The following FRMD3 variants were observed in gnomAD, a reference collection of about 807,000 sequenced individuals.
FRMD3 encodes the protein FERM domain-containing protein 3.
In FRMD3, 33 loss-of-function variants were observed where a neutral mutation model predicts 70.2. That is an observed-to-expected ratio of 0.47 (90% CI 0.36 to 0.63). FRMD3 has a LOEUF of 0.63. Ranked by LOEUF, FRMD3 falls within the 20% of genes least tolerant of loss-of-function variation. The pLI is 0.00. For synonymous variants in FRMD3, 279 were observed against 255.9 expected (o/e 1.09, Z -0.86); for missense variants, 632 against 711.4 (o/e 0.89, Z 1.27).
Position 83,290,715 on chromosome 9 carries a change from A to T in FRMD3, c.1083T>A (p.Thr361=). 6.2e-7 allele frequency: 1 copy of T among 1,609,330 alleles called. No individual in the cohort carries two copies. Among genetic ancestry groups the T allele is most frequent in the South Asian group, 1.1e-5 (1 of 90,530 alleles). The part of the protein sequence containing the change: ...EPPEVHRANI[T]QSRSSHSLNK... ...TCAAGGAGTGGGAACTGCGGCTCTG[A>T]GTAATGTTGGCTCTGAAAACAGACA... Residue 361 remains threonine, a synonymous_variant, in exon 13 of 14, where the codon ACT becomes ACA. Coordinates refer to ENST00000304195, the MANE Select transcript of FRMD3 (RefSeq NM_174938.6).
chr9:83,499,983 TA>T (rs1206821499), intron 1 of FRMD3, among the ~76,000 whole-genome samples: 10 of 152,292 alleles, frequency 6.6e-5, no homozygotes, highest in Non-Finnish European at 1.2e-4. Context: ...TGTTGCTAAA[TA>T]AAAGAAACTA....
chr9:83,525,426 CT>C (rs1829664852), intron 1 of FRMD3, among the ~76,000 whole-genome samples: 1 of 152,114 alleles, frequency 6.6e-6, no homozygotes, highest in Non-Finnish European at 1.5e-5. Flanking sequence ...CAATAACCCC[CT>C]GAAAACTATA....
intron 1 of FRMD3, among the ~76,000 whole-genome samples, chr9:83,519,186 A>G (rs1829518179): frequency 6.6e-6 from 1 of 152,244 alleles, no homozygotes; most frequent in Non-Finnish European, 1.5e-5. Context: ...AAAAGAAACT[A>G]TCATCAGAGT....
At chr9:83,340,983 C>T (rs1416938985) in intron 5 of FRMD3, among the ~76,000 whole-genome samples, 1 of 152,150 alleles carries the variant, frequency 6.6e-6, no homozygotes, top group African/African-American at 2.4e-5. Context: ...CGATGAGGGG[C>T]GACAGTGCCT....
chr9:83,506,558 A>T (rs1313534376), intron 1 of FRMD3, among the ~76,000 whole-genome samples: 5 of 152,188 alleles, frequency 3.3e-5, no homozygotes, highest in African/African-American at 1.2e-4. Flanking sequence ...TGGCTCCCCT[A>T]TCTAGGGCAC....
chr9:83,353,007 A>G (rs1256830840), intron 3 of FRMD3, among the ~76,000 whole-genome samples: 2 of 152,212 alleles, frequency 1.3e-5, no homozygotes, highest in Non-Finnish European at 2.9e-5. Flanking sequence ...CTTGGCAGAG[A>G]AGGGATGAGA....
chr9:83,280,856 C>T (rs1417013628), intron 13 of FRMD3, among the ~76,000 whole-genome samples: 1 of 152,168 alleles, frequency 6.6e-6, no homozygotes, highest in Non-Finnish European at 1.5e-5. Flanking sequence ...GTACCCTGCT[C>T]TGGAAGCCAC....
chr9:83,391,846 T>G (rs573944708), intron 1 of FRMD3, among the ~76,000 whole-genome samples: 43 of 152,250 alleles, frequency 2.8e-4, no homozygotes, highest in African/African-American at 9.6e-4. Flanking sequence ...ACTGAAGGTA[T>G]AGCCTACAGA....
At chr9:83,529,913 A>G (rs1829760356) in intron 1 of FRMD3, among the ~76,000 whole-genome samples, 1 of 152,194 alleles carries the variant, frequency 6.6e-6, no homozygotes, top group Admixed American at 6.5e-5. Context: ...CACCAGAGAA[A>G]TGCAAATCAA....
upstream of FRMD3, among the ~76,000 whole-genome samples, chr9:83,543,310 C>G (rs951745934): frequency 7.9e-5 from 12 of 151,806 alleles, no homozygotes; most frequent in African/African-American, 2.9e-4. Context: ...GACTTGGGGT[C>G]CCATGGAAAG....
intron 1 of FRMD3, among the ~76,000 whole-genome samples, chr9:83,426,636 G>T (rs1826819545): frequency 6.6e-6 from 1 of 152,218 alleles, no homozygotes; most frequent in Non-Finnish European, 1.5e-5. Flanking sequence ...GTGGGAGGAG[G>T]CATTTAAAAG....
At chr9:83,282,981 A>G (rs914404133) in intron 13 of FRMD3, among the ~76,000 whole-genome samples, 1 of 152,192 alleles carries the variant, frequency 6.6e-6, no homozygotes, top group South Asian at 2.1e-4. Flanking sequence ...TCCCCTTTCA[A>G]GTGATAAAAA....
chr9:83,548,839 ACT>A, the FRMD3 span, among the ~76,000 whole-genome samples: 771 of 152,092 alleles, frequency 5.1e-3, 7 homozygotes, highest in African/African-American at 0.018. Flanking sequence ...CTATCTGGAA[ACT>A]CTTTGTACAT....
intron 6 of FRMD3, among the ~76,000 whole-genome samples, chr9:83,330,457 A>C (rs1053468989): frequency 6.6e-6 from 1 of 152,192 alleles, no homozygotes; most frequent in African/African-American, 2.4e-5. Context: ...TCTGCACACC[A>C]AGCTTAAAGT....
chr9:83,456,618 G>C (rs971502388), intron 1 of FRMD3, among the ~76,000 whole-genome samples: 1 of 152,118 alleles, frequency 6.6e-6, no homozygotes, highest in Non-Finnish European at 1.5e-5. Flanking sequence ...ATCTCAAGGA[G>C]GTTTTAATTT....
chr9:83,243,097 T>G, downstream of FRMD3: 2 of 1,147,360 alleles, frequency 1.7e-6, no homozygotes, highest in Non-Finnish European at 2.6e-6. Context: ...CCGAGCCCAC[T>G]GGGTGGGGCC....
rs796812550 is a variant in FRMD3 at position 83,532,553 on chromosome 9, A to T, written c.147+5532T>A. 3.0e-4 allele frequency among the ~76,000 whole-genome samples: 45 copies of T among 152,246 alleles called. 1 individual carries two copies. The highest frequency in any genetic ancestry group is 1.0e-3 in the African/African-American group (43 of 41,542). On this transcript the variant is annotated intron_variant, in intron 1 of 13. Transcript: ENST00000304195. ...AAGGTTTATTGTAACAATAATTGCA[A>T]CCTAATTTGACGTATTCTGAAAGAC... is the stretch of plus-strand genomic sequence containing the variant.
intron 3 of FRMD3, among the ~76,000 whole-genome samples, chr9:83,362,826 C>G (rs1824644547): frequency 7.9e-6 from 1 of 126,502 alleles, no homozygotes; most frequent in African/African-American, 2.8e-5. Flanking sequence ...CTCCCTCCTT[C>G]CTTCCCTCCC....
At chr9:83,494,780 G>A (rs187768335) in intron 1 of FRMD3, among the ~76,000 whole-genome samples, 1 of 151,954 alleles carries the variant, frequency 6.6e-6, no homozygotes, top group Admixed American at 6.6e-5. Context: ...GGGCATAGTG[G>A]CATGTGCCTG....
Sources: allele counts gnomAD v4.1 joint callset (sites outside exome capture counted in the v4.1 genomes callset), GRCh38; gene constraint gnomAD v4.1.1; transcripts MANE v1.5; gene names NCBI Gene and HGNC (gene_info 2026-07-23, HGNC 2026-07-21).